GOSR2: variants seen among roughly 807,000 people sequenced by gnomAD.
The protein encoded by GOSR2 is golgi SNAP receptor complex member 2, also known as 27 kDa Golgi SNARE protein.
Under a neutral mutation model 27.9 loss-of-function variants are expected in GOSR2, and 20 were observed. The observed-to-expected ratio is 0.72, with a 90% CI of 0.50 to 1.04. GOSR2 has a LOEUF of 1.04. Among genes scored for constraint, GOSR2 ranks in the 50% least tolerant of loss-of-function variants. The probability of loss-of-function intolerance (pLI) is 0.00; values close to 1 mark genes in which losing one functional copy is unlikely to be tolerated. For synonymous variants in GOSR2, 91 were observed against 98.8 expected (o/e 0.92, Z 0.47); for missense variants, 261 against 270.5 (o/e 0.97, Z 0.25).
At chr17:46,927,277 C>T (rs1277217837) in intron 1 of GOSR2, among the ~76,000 whole-genome samples, 2 of 152,182 alleles carry the variant, frequency 1.3e-5, no homozygotes, top group East Asian at 1.9e-4. Flanking sequence ...ATTTTCTGCA[C>T]GTCAATCCTT....
Position 46,939,668 on chromosome 17 carries a change from G to A in GOSR2, c.*908G>A. 1 of 985,526 alleles carries A rather than the reference G, an allele frequency of 1.0e-6. No homozygotes were observed. The highest frequency in any genetic ancestry group is 4.7e-5 in the South Asian group (1 of 21,286). The allele number at this position is 985,526 out of a possible 1,614,324, so 61.0% of individuals were successfully genotyped here. On this transcript the variant is annotated 3_prime_UTR_variant, in exon 6 of 6. Transcript: ENST00000640051. ...TCTTCCCTGAAATATATTAGCACCTGCCAGCCAGGCCCTCATTTTGCCCAG... is the reference window on the plus strand; with the variant it reads ...TCTTCCCTGAAATATATTAGCACCTACCAGCCAGGCCCTCATTTTGCCCAG...
intron 6 of GOSR2, among the ~76,000 whole-genome samples, chr17:46,962,469 A>G (rs1327806866): frequency 6.6e-6 from 1 of 152,206 alleles, no homozygotes; most frequent in Non-Finnish European, 1.5e-5. Flanking sequence ...ATTTTAATAA[A>G]CAGGATGTGG....
chr17:46,924,014 T>C (rs569045043), intron 1 of GOSR2: 15 of 396,544 alleles, frequency 3.8e-5, no homozygotes, highest in Non-Finnish European at 4.9e-5. Context: ...TTTTAACAAT[T>C]TTTAAGTGTA....
At chr17:46,929,335 T>C (rs1427788244) in intron 1 of GOSR2, among the ~76,000 whole-genome samples, 185 bp from the exon 2 acceptor site, 1 of 152,228 alleles carries the variant, frequency 6.6e-6, no homozygotes, top group Non-Finnish European at 1.5e-5. Flanking sequence ...GTGTTATTGT[T>C]AGTAGTTAAG....
intron 5 of GOSR2, chr17:46,935,511 A>G (rs553693198): frequency 1.5e-6 from 2 of 1,306,590 alleles, no homozygotes; most frequent in Non-Finnish European, 1.9e-6. Context: ...GGAAGAATGA[A>G]GACGTGGCTG....
downstream of GOSR2, among the ~76,000 whole-genome samples, chr17:46,944,966 C>T (rs1488971102): frequency 5.3e-5 from 8 of 152,142 alleles, no homozygotes; most frequent in African/African-American, 1.9e-4. Flanking sequence ...GTCAGTGCAT[C>T]CCAGGTGCAA....
intron 4 of GOSR2, chr17:46,932,826 C>G (rs2087612317): frequency 6.4e-6 from 1 of 156,790 alleles, no homozygotes; most frequent in Non-Finnish European, 1.4e-5. Flanking sequence ...CTGGCCTTTT[C>G]TGTGTCCTGC....
chr17:46,969,377 G>A (rs1052900334), downstream of GOSR2, among the ~76,000 whole-genome samples: 1 of 152,190 alleles, frequency 6.6e-6, no homozygotes, highest in Non-Finnish European at 1.5e-5. Context: ...TGGGCCAGGT[G>A]GCAGAGTGGC....
chr17:46,933,121 A>G (rs1598998605), intron 4 of GOSR2: 1 of 152,224 alleles, frequency 6.6e-6, no homozygotes, highest in South Asian at 2.1e-4. Context: ...ACACTAAAAG[A>G]TGTTTGGATT....
In GOSR2 at chr17:46,966,530, G is replaced by T. The variant is rs774130312; in HGVS notation, c.584-4G>T. 241 of 688,958 alleles carry T rather than the reference G, an allele frequency of 3.5e-4. 1 individual carries two copies. The highest frequency in any genetic ancestry group is 3.1e-4 in the Non-Finnish European group (118 of 377,928). 42.7% of individuals were successfully genotyped at this position (688,958 alleles called of 1,614,324 possible). A position where few individuals can be genotyped will look rare whatever the true frequency, so the allele number is the denominator to read the frequency against. ...ACCCGATTAATTTTTTGTATTTTTT[G>T]CAGAGACAAGGTCTCACCATGTTGC... On this transcript the variant is annotated splice_polypyrimidine_tract_variant and splice_region_variant and intron_variant, in intron 6 of 6. Transcript: ENST00000573224.
chr17:46,975,620 T>A (rs1463502722), downstream of GOSR2: 1 of 152,396 alleles, frequency 6.6e-6, no homozygotes, highest in Non-Finnish European at 1.5e-5. Context: ...GACCCCACTC[T>A]TGCTGGCTGT....
downstream of GOSR2, among the ~76,000 whole-genome samples, chr17:46,945,726 T>C (rs886329021): frequency 6.6e-6 from 1 of 152,124 alleles, no homozygotes; most frequent in Non-Finnish European, 1.5e-5. Context: ...TCTAAGAGTT[T>C]CTTGTGCCCC....
intron 6 of GOSR2, among the ~76,000 whole-genome samples, chr17:46,947,241 A>G (rs1293405995): frequency 6.6e-6 from 1 of 152,168 alleles, no homozygotes; most frequent in African/African-American, 2.4e-5. Flanking sequence ...GTTACTGCTC[A>G]GGAAGCAGGG....
chr17:46,968,155 A>G (rs1016098875), downstream of GOSR2, among the ~76,000 whole-genome samples: 1 of 152,070 alleles, frequency 6.6e-6, no homozygotes, highest in Non-Finnish European at 1.5e-5. Context: ...AACAAGCCCC[A>G]TAGAGCACCC....
downstream of GOSR2, among the ~76,000 whole-genome samples, chr17:46,942,460 C>T (rs769087220): frequency 6.6e-6 from 1 of 152,222 alleles, no homozygotes; most frequent in East Asian, 1.9e-4. Flanking sequence ...GGCCCCTCAT[C>T]CAGCTTGGAA....
chr17:46,948,179 C>A (rs891060684), intron 6 of GOSR2, among the ~76,000 whole-genome samples: 1 of 152,218 alleles, frequency 6.6e-6, no homozygotes, highest in Non-Finnish European at 1.5e-5. Context: ...AGCAAGCCAC[C>A]TCACCTCTCC....
At position 46,938,929 on chromosome 17, in the gene GOSR2, G is replaced by A. The variant is rs1428419423; in HGVS notation, c.*169G>A. ...ATTTCCAACCTGCTCTGTTTTCTGT[G>A]ACATCTTGGAGGGGGAGCTAGTGCC... On this transcript the variant is annotated 3_prime_UTR_variant, in exon 6 of 6. Transcript: ENST00000640051. 2.0e-6 allele frequency: 3 copies of A among 1,507,660 alleles called. No homozygotes were observed. The African/African-American group carries it at 4.1e-5, about 21-fold the overall frequency. 93.4% of individuals were successfully genotyped at this position (1,507,660 alleles called of 1,614,324 possible).
chr17:46,952,254 C>T (rs1428924779), intron 6 of GOSR2, among the ~76,000 whole-genome samples: 2 of 152,198 alleles, frequency 1.3e-5, no homozygotes, highest in East Asian at 3.9e-4. Context: ...GGGCTGCCTC[C>T]TCCAGCAGGG....
downstream of GOSR2, among the ~76,000 whole-genome samples, chr17:46,975,885 G>GAT (rs1337437046): frequency 9.8e-6 from 1 of 101,916 alleles, no homozygotes; most frequent in African/African-American, 3.1e-5. Context: ...AAAGAAAGAA[G>GAT]AAAGATAAAG....
Sources: allele counts gnomAD v4.1 joint callset (sites outside exome capture counted in the v4.1 genomes callset), GRCh38; gene constraint gnomAD v4.1.1; transcripts MANE v1.5; gene names NCBI Gene and HGNC (gene_info 2026-07-23, HGNC 2026-07-21).